DISC1: variants seen among roughly 807,000 people sequenced by gnomAD.
DISC1 encodes the protein disrupted in schizophrenia 1 protein.
Under a neutral mutation model 84.5 loss-of-function variants are expected in DISC1, and 57 were observed. That is an observed-to-expected ratio of 0.67 (90% CI 0.55 to 0.84). The LOEUF (loss-of-function observed/expected upper bound fraction) is 0.84, where lower values mean the gene tolerates loss of function less well. Among genes scored for constraint, DISC1 ranks in the 40% least tolerant of loss-of-function variants. DISC1 has a pLI of 0.00. For missense variants in DISC1, 1,000 were observed against 1,057.8 expected, an observed-to-expected ratio of 0.95 and a Z score of 0.76; for synonymous variants, 411 against 415.2, an observed-to-expected ratio of 0.99 and a Z score of 0.12.
intron 11 of DISC1, among the ~76,000 whole-genome samples, chr1:232,022,580 A>G (rs1436553814): frequency 6.6e-6 from 1 of 152,086 alleles, no homozygotes; most frequent in Non-Finnish European, 1.5e-5. Flanking sequence ...TGCTGGGATT[A>G]CAGGCGTGAG....
chr1:231,733,046 AGTT>A (rs1055742889), intron 3 of DISC1, among the ~76,000 whole-genome samples: 112 of 7,478 alleles, frequency 0.015, no homozygotes, highest in African/African-American at 0.042. Context: ...GAGTGGTGGT[AGTT>A]GTTGTGGTAG....
At chr1:231,702,066 C>G in intron 3 of DISC1, 42 bp downstream of exon 3, 1 of 1,584,106 alleles carries the variant, frequency 6.3e-7, no homozygotes. Context: ...TCATCATGTC[C>G]CAATTTTCTT....
At chr1:231,853,681 A>G (rs751315392) in intron 9 of DISC1, among the ~76,000 whole-genome samples, 5 of 152,126 alleles carry the variant, frequency 3.3e-5, no homozygotes, top group African/African-American at 1.2e-4. Context: ...TGAGGAAGGT[A>G]CTGGCTTCTT....
intron 9 of DISC1, among the ~76,000 whole-genome samples, chr1:231,934,945 T>A (rs1241473494): frequency 6.6e-6 from 1 of 152,226 alleles, no homozygotes; most frequent in Admixed American, 6.5e-5. Flanking sequence ...AGCCTCCTGC[T>A]CTTGTTTGAA....
intron 9 of DISC1, among the ~76,000 whole-genome samples, chr1:231,867,406 A>G (rs1054188509): frequency 1.3e-5 from 2 of 152,196 alleles, no homozygotes; most frequent in African/African-American, 4.8e-5. Context: ...TCCCGTAGCT[A>G]GACCCTGGAG....
chr1:231,955,292 A>C (rs2102731162), intron 9 of DISC1, among the ~76,000 whole-genome samples: 1 of 152,096 alleles, frequency 6.6e-6, no homozygotes, highest in Non-Finnish European at 1.5e-5. Flanking sequence ...ACTTTCCCAA[A>C]CTCCAGACTC....
intron 9 of DISC1, among the ~76,000 whole-genome samples, chr1:231,932,206 G>C (rs1218382191): frequency 6.6e-6 from 1 of 152,168 alleles, no homozygotes; most frequent in Admixed American, 6.5e-5. Flanking sequence ...TGAGTCTCTT[G>C]TCTTTTCTTA....
At chr1:232,033,377 G>A (rs887036194) in intron 12 of DISC1, among the ~76,000 whole-genome samples, 1 of 152,108 alleles carries the variant, frequency 6.6e-6, no homozygotes, top group Non-Finnish European at 1.5e-5. Context: ...ATTGTTTCTT[G>A]CCTGAACTAT....
intron 9 of DISC1, among the ~76,000 whole-genome samples, chr1:231,879,385 T>TTAAGG (rs1301623080): frequency 6.6e-6 from 1 of 151,840 alleles, no homozygotes; most frequent in Non-Finnish European, 1.5e-5. Context: ...TGCCAAGCAG[T>TTAAGG]TTTACAAAGT....
intron 6 of DISC1, among the ~76,000 whole-genome samples, chr1:231,781,280 T>C (rs1415912728): frequency 3.0e-4 from 6 of 20,238 alleles, no homozygotes; most frequent in Non-Finnish European, 9.8e-5. Context: ...AAAATGGATA[T>C]GTATTTTATA....
Position 231,675,855 on chromosome 1 carries a change from T to TC in DISC1, c.68-17971_68-17970insC, listed in dbSNP as rs1319480580. On this transcript the variant is annotated intron_variant, in intron 1 of 12. Coordinates refer to ENST00000439617, the MANE Select transcript of DISC1 (RefSeq NM_018662.3). This position sits in a 1 kb window ranked among gnomAD's most constrained non-coding sequence, Gnocchi z 4.1. ...ATTGTATTTGTTTTTTCTTTTCTTT[T>TC]TTTTTTTTTTTTGACACAGAATTCC... Among the ~76,000 whole-genome samples, 4 of 150,826 alleles carry TC rather than the reference T, an allele frequency of 2.7e-5. No individual in the cohort carries two copies. Among genetic ancestry groups the TC allele is most frequent in the South Asian group, 4.2e-4 (2 of 4,800 alleles).
chr1:232,022,739 C>G (rs1669083925), intron 11 of DISC1, among the ~76,000 whole-genome samples: 1 of 152,136 alleles, frequency 6.6e-6, no homozygotes, highest in Non-Finnish European at 1.5e-5. Context: ...CAGTTTAGGT[C>G]TAAACTAATT....
chr1:231,846,612 G>A (rs943526237), intron 9 of DISC1, among the ~76,000 whole-genome samples: 1 of 152,188 alleles, frequency 6.6e-6, no homozygotes, highest in South Asian at 2.1e-4. Flanking sequence ...GCAGGGACAC[G>A]CCAGTTCCAA....
chr1:231,723,234 G>T (rs1348272993), intron 3 of DISC1: 1 of 816,216 alleles, frequency 1.2e-6, no homozygotes, highest in South Asian at 6.0e-5. Context: ...CCCTGATACA[G>T]ACTGTATTTA....
chr1:231,985,673 T>C (rs1664324774), intron 10 of DISC1, among the ~76,000 whole-genome samples: 1 of 152,220 alleles, frequency 6.6e-6, no homozygotes, highest in South Asian at 2.1e-4. Context: ...ATAATGAATA[T>C]CTGTTATGTC....
intron 8 of DISC1, among the ~76,000 whole-genome samples, chr1:231,801,860 C>G (rs1216837078): frequency 6.6e-6 from 1 of 151,326 alleles, no homozygotes; most frequent in Non-Finnish European, 1.5e-5. Flanking sequence ...GTTCAGTCGC[C>G]CAGGCTAGAG....
chr1:231,631,702 T>C, intron 1 of DISC1, among the ~76,000 whole-genome samples: 1 of 151,922 alleles, frequency 6.6e-6, no homozygotes, highest in East Asian at 1.9e-4. Flanking sequence ...CACAATGTAT[T>C]TGTGTTTTAA....
At position 231,839,563 on chromosome 1, in the gene DISC1, G is replaced by A. The variant is rs550795643; in HGVS notation, c.1981+21046G>A. 1.6e-3 allele frequency among the ~76,000 whole-genome samples: 247 copies of A among 152,266 alleles called. 3 individuals carry two copies. The highest frequency in any genetic ancestry group is 5.3e-3 in the African/African-American group (220 of 41,552). ...GGGTTTTCAAGATTTCTGAAAGGTC[G>A]TGGCTAGCCATTAAAATAACTTGGT... On this transcript the variant is annotated intron_variant, in intron 9 of 12. Transcript: ENST00000439617.
intron 9 of DISC1, chr1:231,819,235 G>T (rs145945315): frequency 1.3e-6 from 1 of 769,340 alleles, no homozygotes; most frequent in Non-Finnish European, 1.6e-6. Flanking sequence ...TGAATAAATG[G>T]CTATATTTTA....
Sources: gnomAD v4.1 joint callset for allele counts (sites outside exome capture counted in the v4.1 genomes callset) on GRCh38, gnomAD v4.1.1 for gene constraint, Gnocchi (gnomAD v3.1) non-coding constraint, MANE v1.5 for transcripts, NCBI Gene and HGNC (gene_info 2026-07-23, HGNC 2026-07-21) for gene names.